Variants in CCNY observed in about 807,000 individuals in gnomAD.
CCNY encodes cyclin Y.
CCNY carries 19 observed loss-of-function variants against 42.8 expected under a neutral mutation model. The observed-to-expected ratio is 0.44, with a 90% CI of 0.31 to 0.65. The LOEUF (loss-of-function observed/expected upper bound fraction) is 0.65, where lower values mean the gene tolerates loss of function less well. Among genes scored for constraint, CCNY ranks in the 30% least tolerant of loss-of-function variants. The pLI, the probability that CCNY is intolerant of heterozygous loss-of-function variation, is 0.07. For synonymous variants in CCNY, 165 were observed against 162.7 expected, an observed-to-expected ratio of 1.01 and a Z score of -0.11; for missense variants, 370 against 437.3, an observed-to-expected ratio of 0.85 and a Z score of 1.37.
At chr10:35,275,936 A>G (rs745473749) in intron 3 of CCNY, among the ~76,000 whole-genome samples, 8 of 152,194 alleles carry the variant, frequency 5.3e-5, no homozygotes, top group Non-Finnish European at 7.3e-5. Context: ...TTCACTGTCA[A>G]TCCAGACTCT....
At chr10:35,447,201 C>T (rs988776208) in intron 1 of CCNY, among the ~76,000 whole-genome samples, 2 of 152,180 alleles carry the variant, frequency 1.3e-5, no homozygotes, top group Admixed American at 1.3e-4. Flanking sequence ...GGCGTGAACC[C>T]GGGAGGCGGA....
chr10:35,480,487 C>G (rs1003572736), intron 1 of CCNY, among the ~76,000 whole-genome samples: 3 of 152,268 alleles, frequency 2.0e-5, no homozygotes, highest in East Asian at 3.9e-4. Flanking sequence ...TCACCCTGAG[C>G]TTCTATGACA....
chr10:35,257,059 A>G (rs1565054113), intron 3 of CCNY, among the ~76,000 whole-genome samples: 1 of 152,116 alleles, frequency 6.6e-6, no homozygotes, highest in Non-Finnish European at 1.5e-5. Context: ...ATAATGGCCC[A>G]TGTATTTACC....
At chr10:35,457,330 A>T (rs189769961) in intron 1 of CCNY, among the ~76,000 whole-genome samples, 1 of 152,296 alleles carries the variant, frequency 6.6e-6, no homozygotes, top group East Asian at 1.9e-4. Flanking sequence ...GTCCCGTCGC[A>T]GCCTGGTGCT....
At chr10:35,438,038 G>GTC (rs1042547387) in intron 1 of CCNY, among the ~76,000 whole-genome samples, 2 of 152,010 alleles carry the variant, frequency 1.3e-5, no homozygotes, top group Middle Eastern at 3.2e-3. Flanking sequence ...GCTTCTGTGT[G>GTC]TCTCTCTCTC....
Position 35,316,620 on chromosome 10 carries a change from T to C in CCNY, c.-9+65994T>C, listed in dbSNP as rs182035082. Among the ~76,000 whole-genome samples the C allele has an allele frequency of 3.3e-5, 5 of 152,328 alleles. No individual in the cohort carries two copies. In the East Asian group the frequency reaches 7.7e-4, roughly 24 times the overall value. ...CTGGAATAATTTTAACTGTTTATGT[T>C]TACTGAATTAAATTGTGCTATGGAT... On this transcript the variant is annotated intron_variant, in intron 3 of 11. Coordinates refer to the CCNY transcript ENST00000374706.
At chr10:35,293,981 G>C (rs1012229070) in intron 3 of CCNY, among the ~76,000 whole-genome samples, 2 of 151,932 alleles carry the variant, frequency 1.3e-5, no homozygotes, top group African/African-American at 4.8e-5. Context: ...GTAGAGACAG[G>C]CTTTCACCAT....
At chr10:35,546,785 C>T (rs1781420663) in intron 7 of CCNY, among the ~76,000 whole-genome samples, 2 of 152,108 alleles carry the variant, frequency 1.3e-5, no homozygotes, top group South Asian at 4.1e-4. Context: ...TAAGTATTCT[C>T]TTAAATATTA....
chr10:35,266,691 G>T (rs190710387), intron 3 of CCNY, among the ~76,000 whole-genome samples: 4 of 152,244 alleles, frequency 2.6e-5, no homozygotes, highest in African/African-American at 9.6e-5. Context: ...ATCAGGAAGG[G>T]TGTCATTAAG....
intron 3 of CCNY, among the ~76,000 whole-genome samples, chr10:35,280,689 T>C (rs1396917467): frequency 6.6e-6 from 1 of 152,162 alleles, no homozygotes; most frequent in Non-Finnish European, 1.5e-5. Context: ...CTGGATTTAG[T>C]GACAGCTTCT....
chr10:35,517,446 T>C (rs1192938407), intron 4 of CCNY, among the ~76,000 whole-genome samples: 2 of 152,214 alleles, frequency 1.3e-5, no homozygotes, highest in Non-Finnish European at 2.9e-5. Context: ...CATTTCACAA[T>C]ACATGTCAGC....
In CCNY at chr10:35,307,963, G is replaced by A. The variant is rs902115787; in HGVS notation, c.-9+57337G>A. Reference sequence around the variant, plus strand: ...CTCCTGACTAGCTGGGATTACAGGCGACCACCATCACGTCCAGCTAATTTT... The same window carrying A: ...CTCCTGACTAGCTGGGATTACAGGCAACCACCATCACGTCCAGCTAATTTT... On this transcript the variant is annotated intron_variant, in intron 3 of 11. Transcript: ENST00000374706. 9.3e-5 allele frequency among the ~76,000 whole-genome samples: 14 copies of A among 151,046 alleles called. No homozygotes were observed. In the South Asian group the frequency reaches 1.3e-3, roughly 14 times the overall value.
chr10:35,544,506 A>G (rs920936309), intron 7 of CCNY, among the ~76,000 whole-genome samples: 2 of 152,190 alleles, frequency 1.3e-5, no homozygotes, highest in African/African-American at 2.4e-5. Context: ...ACAAGGATTG[A>G]ATTGCCTAAT....
chr10:35,436,085 T>TA (rs1838525937), intron 1 of CCNY, among the ~76,000 whole-genome samples: 1 of 151,896 alleles, frequency 6.6e-6, no homozygotes, highest in Non-Finnish European at 1.5e-5. Flanking sequence ...GCTGGAGAGT[T>TA]GGGCAGGGGT....
chr10:35,288,383 C>T (rs1835377644), intron 3 of CCNY, among the ~76,000 whole-genome samples: 1 of 151,942 alleles, frequency 6.6e-6, no homozygotes, highest in Non-Finnish European at 1.5e-5. Context: ...TTATTGTTAT[C>T]AAAATTTTTC....
At chr10:35,279,168 T>C (rs1239280058) in intron 3 of CCNY, among the ~76,000 whole-genome samples, 1 of 143,782 alleles carries the variant, frequency 7.0e-6, no homozygotes, top group Non-Finnish European at 1.5e-5. Flanking sequence ...CAGGCTGGAG[T>C]GCAGTGGCAC....
chr10:35,267,405 T>C (rs2095726636), intron 3 of CCNY, among the ~76,000 whole-genome samples: 2 of 152,188 alleles, frequency 1.3e-5, no homozygotes, highest in African/African-American at 4.8e-5. Context: ...CCAATTCTCC[T>C]TCCTGTTGAC....
chr10:35,345,506 G>A (rs908482152), intron 1 of CCNY, among the ~76,000 whole-genome samples: 47 of 151,752 alleles, frequency 3.1e-4, no homozygotes, highest in African/African-American at 1.1e-3. Flanking sequence ...ACACATTGAG[G>A]TAGTACTATG....
intron 1 of CCNY, among the ~76,000 whole-genome samples, chr10:35,432,278 T>G (rs1287399306): frequency 6.6e-6 from 1 of 152,220 alleles, no homozygotes; most frequent in Non-Finnish European, 1.5e-5. Context: ...ATGAGAATAA[T>G]GATAGCTACC....
Sources: allele counts gnomAD v4.1 joint callset (sites outside exome capture counted in the v4.1 genomes callset), GRCh38; gene constraint gnomAD v4.1.1; transcripts MANE v1.5; gene names NCBI Gene and HGNC (gene_info 2026-07-23, HGNC 2026-07-21).